CAPG: variants seen among roughly 807,000 people sequenced by gnomAD.
CAPG encodes capping actin protein, gelsolin like.
Under a neutral mutation model 44.6 loss-of-function variants are expected in CAPG, and 32 were observed. That is an observed-to-expected ratio of 0.72 (90% CI 0.54 to 0.96). The LOEUF is 0.96. CAPG is among the 50% of genes least tolerant of loss of function. The probability of loss-of-function intolerance (pLI) is 0.00; values close to 1 mark genes in which losing one functional copy is unlikely to be tolerated. For missense variants in CAPG, 412 were observed against 438.3 expected (o/e 0.94, Z 0.54); for synonymous variants, 175 against 179.6 (o/e 0.97, Z 0.20).
At chr2:85,401,981 A>G (rs2104811337) in intron 2 of CAPG, 24 bp from the exon 3 acceptor site, 1 of 1,613,992 alleles carries the variant, frequency 6.2e-7, no homozygotes, top group African/African-American at 1.3e-5. Context: ...GAGGGTTGAC[A>G]GCAGCCTGGA....
intron 4 of CAPG, 66 bp from the exon 5 acceptor site, chr2:85,401,395 A>T (rs978895254): frequency 6.3e-7 from 1 of 1,580,962 alleles, no homozygotes; most frequent in African/African-American, 1.3e-5. Flanking sequence ...ACCCCATCCC[A>T]CTGGAAGACG....
downstream of CAPG, among the ~76,000 whole-genome samples, chr2:85,392,603 G>A (rs544775923): frequency 6.6e-6 from 1 of 152,344 alleles, no homozygotes; most frequent in South Asian, 2.1e-4. Flanking sequence ...CCACCCAGGC[G>A]TGGAGGGGAA....
rs760994539 is a variant in CAPG at position 85,399,166 on chromosome 2, A to T, written c.636T>A (p.Thr212=). The T allele has an allele frequency of 3.7e-6, 6 of 1,614,054 alleles. No homozygotes were observed. In the African/African-American group the frequency reaches 8.0e-5, roughly 22 times the overall value. The part of the protein sequence containing the change: ...RQGKAQVEIV[T]DGEEPAEMIQ... ...TCATCTCAGCAGGCTCCTCCCCATC[A>T]GTGACAATCTCCACCTGGGCCTTGC... Residue 212 remains threonine, a synonymous_variant, in exon 6 of 10, where the codon ACT becomes ACA. Coordinates refer to ENST00000263867, the MANE Select transcript of CAPG (RefSeq NM_001747.4).
At chr2:85,417,244 TTTAA>T (rs2104868976) in intron 1 of CAPG, among the ~76,000 whole-genome samples, 1 of 152,342 alleles carries the variant, frequency 6.6e-6, no homozygotes, top group South Asian at 2.1e-4. Flanking sequence ...GATTTTCTCA[TTTAA>T]TCCTTGCATT....
chr2:85,395,373 T>A lies in CAPG; in HGVS notation c.981+165A>T. On this transcript the variant is annotated intron_variant, in intron 9 of 9. Transcript: ENST00000263867. This position sits in a 1 kb window ranked among gnomAD's most constrained non-coding sequence, Gnocchi z 4.3. ...TTTGAAAATAATAAGTATTTTGACATTTTGAAGGATTGAGATGGGCTTTCC... is the reference window on the plus strand; with the variant it reads ...TTTGAAAATAATAAGTATTTTGACAATTTGAAGGATTGAGATGGGCTTTCC... The A allele has an allele frequency of 1.6e-6, 1 of 627,914 alleles. No homozygotes were observed. The highest frequency in any genetic ancestry group is 1.8e-5 in the South Asian group (1 of 55,364). The allele number at this position is 627,914 out of a possible 1,614,324, so 38.9% of individuals were successfully genotyped here.
chr2:85,399,307 C>T (rs540606308), intron 5 of CAPG, 22 bp from the exon 6 acceptor site: 51 of 1,612,206 alleles, frequency 3.2e-5, no homozygotes, highest in South Asian at 3.0e-4. Context: ...CAGGAAAGTC[C>T]GGGTCAGAGC....
intron 7 of CAPG, 141 bp from the exon 8 acceptor site, chr2:85,398,293 G>A (rs1686704508): frequency 1.0e-6 from 1 of 990,590 alleles, no homozygotes; most frequent in African/African-American, 1.6e-5. Flanking sequence ...GCAGACAAGA[G>A]AGTGAAGACC....
chr2:85,419,173 T>A (rs955383791), upstream of CAPG: 5 of 152,316 alleles, frequency 3.3e-5, no homozygotes, highest in African/African-American at 1.2e-4. Flanking sequence ...GGTCCCAGGG[T>A]GTGCAGGCCG....
downstream of CAPG, among the ~76,000 whole-genome samples, chr2:85,393,836 TTA>T (rs1292155510): frequency 6.6e-6 from 1 of 152,196 alleles, no homozygotes; most frequent in Non-Finnish European, 1.5e-5. Flanking sequence ...AGTGCTGGGG[TTA>T]TAGGCGTGAA....
Position 85,395,051 on chromosome 2 carries a change from G to C in CAPG, c.982-93C>G. ...GGAGGGGGCCAGAGCCAGGGAGGAGGGTGTGGGCGCCTGGCCTGAATCCAT... is the reference window on the plus strand; with the variant it reads ...GGAGGGGGCCAGAGCCAGGGAGGAGCGTGTGGGCGCCTGGCCTGAATCCAT... On this transcript the variant is annotated intron_variant, in intron 9 of 9. Coordinates refer to ENST00000263867, the MANE Select transcript of CAPG (RefSeq NM_001747.4). The surrounding 1 kb of genome is among the most constrained non-coding windows in gnomAD (Gnocchi z 4.3). 1 of 853,984 alleles carries C rather than the reference G, an allele frequency of 1.2e-6. No individual in the cohort carries two copies. 52.9% of individuals were successfully genotyped at this position (853,984 alleles called of 1,614,324 possible).
chr2:85,415,872 C>T (rs1687539818), intron 1 of CAPG, among the ~76,000 whole-genome samples: 1 of 151,758 alleles, frequency 6.6e-6, no homozygotes, highest in African/African-American at 2.4e-5. Flanking sequence ...TTTTAAGAGA[C>T]AGGGTCTCAC....
intron 1 of CAPG, 39 bp from the exon 2 acceptor site, chr2:85,402,197 A>G: frequency 6.5e-7 from 1 of 1,541,076 alleles, no homozygotes; most frequent in Non-Finnish European, 8.8e-7. Context: ...TACAAATGCC[A>G]CAAAAAGGAC....
intron 8 of CAPG, 103 bp downstream of exon 8, chr2:85,397,917 C>T: frequency 2.5e-6 from 3 of 1,190,818 alleles, no homozygotes; most frequent in Non-Finnish European, 3.6e-6. Flanking sequence ...CTTCCTGAGG[C>T]TGTCTTTTAC....
upstream of CAPG, among the ~76,000 whole-genome samples, chr2:85,414,656 T>C (rs1432020420): frequency 1.3e-5 from 2 of 151,550 alleles, no homozygotes; most frequent in Non-Finnish European, 2.9e-5. Context: ...GGTCTCAAAC[T>C]CCTGGGCTCA....
At chr2:85,399,386 G>A (rs1686771773) in intron 5 of CAPG, 101 bp from the exon 6 acceptor site, 1 of 1,301,424 alleles carries the variant, frequency 7.7e-7, no homozygotes, top group African/African-American at 1.5e-5. Flanking sequence ...TCTCTGAACT[G>A]TCCCTGAGGC....
intron 7 of CAPG, chr2:85,398,366 C>T: frequency 3.3e-6 from 2 of 604,190 alleles, no homozygotes; most frequent in African/African-American, 1.9e-5. Flanking sequence ...AGCACAGGGG[C>T]CCCGAACCCA....
In CAPG at chr2:85,401,583, C is replaced by T. The variant is rs762641569; in HGVS notation, c.297G>A (p.Gln99=). 8 of 1,614,100 alleles carry T rather than the reference C, an allele frequency of 5.0e-6. No individual in the cohort carries two copies. The African/African-American group carries it at 9.3e-5, about 19-fold the overall frequency. ...TCATGAAGAGGTCAGACTCATTGCC[C>T]TGCACCTCGCGGTGCTGCACAGGCC... is the stretch of plus-strand genomic sequence containing the variant. ...GERPVQHREV[Q]GNESDLFMSY... Residue 99 remains glutamine, a synonymous_variant, in exon 4 of 10, where the codon CAG becomes CAA. Transcript: ENST00000263867.
chr2:85,408,170 C>T (rs1687253667), intron 1 of CAPG, among the ~76,000 whole-genome samples: 1 of 152,092 alleles, frequency 6.6e-6, no homozygotes, highest in African/African-American at 2.4e-5. Flanking sequence ...TGGTGAAACT[C>T]CATCTCTGCT....
chr2:85,406,563 A>C (rs1449734482), intron 1 of CAPG, among the ~76,000 whole-genome samples: 1 of 152,140 alleles, frequency 6.6e-6, no homozygotes, highest in African/African-American at 2.4e-5. Flanking sequence ...GTATTCAGCA[A>C]GAATCCTGTT....
Sources: allele counts gnomAD v4.1 joint callset (sites outside exome capture counted in the v4.1 genomes callset), GRCh38; gene constraint gnomAD v4.1.1; non-coding constraint Gnocchi (gnomAD v3.1); transcripts MANE v1.5; gene names NCBI Gene and HGNC (gene_info 2026-07-23, HGNC 2026-07-21).